Variants in GSK3B observed in about 807,000 individuals in gnomAD.
GSK3B encodes glycogen synthase kinase 3 beta, also known as glycogen synthase kinase-3 beta.
In GSK3B, 15 loss-of-function variants were observed where a neutral mutation model predicts 56.4. That is an observed-to-expected ratio of 0.27 (90% confidence interval 0.18 to 0.41). GSK3B has a LOEUF of 0.41. GSK3B is among the 10% of genes least tolerant of loss of function. The pLI, the probability that GSK3B is intolerant of heterozygous loss-of-function variation, is 1.00. For missense variants in GSK3B, 300 were observed against 513.4 expected (o/e 0.58, Z 4.02); for synonymous variants, 181 against 188.9 (o/e 0.96, Z 0.34).
intron 2 of GSK3B, among the ~76,000 whole-genome samples, chr3:119,979,647 C>T (rs2057441866): frequency 6.6e-6 from 1 of 152,212 alleles, no homozygotes; most frequent in South Asian, 2.1e-4. Flanking sequence ...GTTTTCTCTT[C>T]ATCAATCTTA....
chr3:119,889,539 T>C (rs758104059), intron 7 of GSK3B, among the ~76,000 whole-genome samples: 1 of 151,462 alleles, frequency 6.6e-6, no homozygotes, highest in Non-Finnish European at 1.5e-5. Flanking sequence ...GACCAACCTC[T>C]AAAAATGCAA....
chr3:119,824,331 AC>A lies in GSK3B; in HGVS notation c.*2456del. Reference sequence around the variant, plus strand: ...AGAAAGAAAAATCACACATCTCAGCACACACACACACACACACACACGCACA... The same window carrying A: ...AGAAAGAAAAATCACACATCTCAGCAACACACACACACACACACACGCACA... On this transcript the variant is annotated 3_prime_UTR_variant, in exon 11 of 11. Coordinates refer to ENST00000264235, the MANE Select transcript of GSK3B (RefSeq NM_001146156.2). The A allele has an allele frequency of 1.1e-4, 1 of 8,954 alleles. No homozygotes were observed. 0.6% of individuals were successfully genotyped at this position (8,954 alleles called of 1,614,324 possible).
Position 119,843,365 on chromosome 3 carries a change from T to G in GSK3B, c.1097-12A>C. On this transcript the variant is annotated splice_polypyrimidine_tract_variant and intron_variant, in intron 9 of 10. Coordinates refer to ENST00000264235, the MANE Select transcript of GSK3B (RefSeq NM_001146156.2). ...ATTACTTGACAGTTCTATAGAAGGT[T>G]AAGACACAAATGTTAGAGTCCACTC... 6.8e-7 allele frequency: 1 copy of G among 1,464,478 alleles called. No homozygotes were observed. The highest frequency in any genetic ancestry group is 1.1e-5 in the South Asian group (1 of 88,116). 90.7% of individuals were successfully genotyped at this position (1,464,478 alleles called of 1,614,324 possible). A position where few individuals can be genotyped will look rare whatever the true frequency, so the allele number is the denominator to read the frequency against.
At chr3:119,883,534 C>T (rs550789188) in intron 7 of GSK3B, among the ~76,000 whole-genome samples, 38 of 152,206 alleles carry the variant, frequency 2.5e-4, no homozygotes, top group East Asian at 1.2e-3. Flanking sequence ...ATATTTAAGG[C>T]TTGTGGGACA....
chr3:119,852,841 A>G (rs1034192765), intron 9 of GSK3B, among the ~76,000 whole-genome samples: 7 of 152,172 alleles, frequency 4.6e-5, no homozygotes, highest in African/African-American at 1.7e-4. Context: ...TCAGATGGGT[A>G]GATTGCAAAA....
intron 4 of GSK3B, among the ~76,000 whole-genome samples, chr3:119,919,532 G>GAA (rs1191428996): frequency 6.2e-5 from 6 of 97,368 alleles, no homozygotes; most frequent in East Asian, 3.1e-4. Context: ...AAAAAAAAAA[G>GAA]AAAAAAAAAA....
At chr3:120,011,204 G>C (rs966996788) in intron 1 of GSK3B, among the ~76,000 whole-genome samples, 12 of 152,176 alleles carry the variant, frequency 7.9e-5, no homozygotes, top group Non-Finnish European at 1.2e-4. Context: ...GGAAACAGGA[G>C]CCCCACCTTT....
intron 1 of GSK3B, among the ~76,000 whole-genome samples, chr3:120,045,991 A>G (rs1200126139): frequency 6.6e-6 from 1 of 152,162 alleles, no homozygotes; most frequent in Non-Finnish European, 1.5e-5. Flanking sequence ...AAGGCTACAT[A>G]CTGTATGATT....
chr3:119,870,085 C>A (rs1369726874), intron 8 of GSK3B, among the ~76,000 whole-genome samples: 2 of 152,200 alleles, frequency 1.3e-5, no homozygotes, highest in South Asian at 2.1e-4. Context: ...CAATTCCTAA[C>A]CTTTTCTACA....
At chr3:120,055,436 C>A (rs1297334272) in intron 1 of GSK3B, among the ~76,000 whole-genome samples, 1 of 152,082 alleles carries the variant, frequency 6.6e-6, no homozygotes, top group Non-Finnish European at 1.5e-5. Context: ...TTCAAAGCGA[C>A]AAAATATTCT....
At chr3:119,857,062 A>G (rs1236526447) in intron 9 of GSK3B, among the ~76,000 whole-genome samples, 1 of 152,146 alleles carries the variant, frequency 6.6e-6, no homozygotes, top group Non-Finnish European at 1.5e-5. Flanking sequence ...TATATACCTT[A>G]ATTTAAAAAT....
chr3:119,850,562 G>A (rs2055916175), intron 9 of GSK3B, among the ~76,000 whole-genome samples: 10 of 152,110 alleles, frequency 6.6e-5, no homozygotes, highest in Admixed American at 5.9e-4. Context: ...ATAGGGCTAT[G>A]TCAACCAGTT....
intron 10 of GSK3B, among the ~76,000 whole-genome samples, chr3:119,836,733 A>G (rs769319973): frequency 6.6e-6 from 1 of 152,338 alleles, no homozygotes; most frequent in Non-Finnish European, 1.5e-5. Flanking sequence ...AAGAGGAATG[A>G]CCAGTCACGA....
intron 2 of GSK3B, among the ~76,000 whole-genome samples, chr3:119,967,814 C>A (rs1417896180): frequency 2.3e-5 from 3 of 130,380 alleles, no homozygotes; most frequent in African/African-American, 9.2e-5. Flanking sequence ...CTCTCCCTCC[C>A]TCCCTTTCTC....
chr3:119,876,957 G>A (rs1329459046), intron 7 of GSK3B, among the ~76,000 whole-genome samples: 1 of 152,148 alleles, frequency 6.6e-6, no homozygotes, highest in Non-Finnish European at 1.5e-5. Flanking sequence ...AGTGAACCAA[G>A]TAAATTTCTA....
chr3:119,958,103 A>T (rs566662770), intron 2 of GSK3B, among the ~76,000 whole-genome samples: 199 of 152,186 alleles, frequency 1.3e-3, no homozygotes, highest in South Asian at 2.3e-3. Context: ...ATAGTGAGTG[A>T]ATTCTCACAA....
chr3:119,858,047 A>C (rs371778521), intron 9 of GSK3B, among the ~76,000 whole-genome samples: 3 of 152,330 alleles, frequency 2.0e-5, no homozygotes, highest in South Asian at 2.1e-4. Flanking sequence ...ACCACGCTGT[A>C]AACAGATGTG....
At chr3:119,923,581 C>T (rs1031264730) in intron 3 of GSK3B, 98 bp from the exon 4 acceptor site, 16 of 505,870 alleles carry the variant, frequency 3.2e-5, no homozygotes, top group African/African-American at 1.2e-4. Flanking sequence ...TTTACTTATT[C>T]GGATTTTTAA....
At chr3:119,954,799 A>T (rs879425507) in intron 2 of GSK3B, among the ~76,000 whole-genome samples, 3 of 152,198 alleles carry the variant, frequency 2.0e-5, no homozygotes, top group Admixed American at 2.0e-4. Flanking sequence ...GAGAGAAAAG[A>T]GAAAGAAAAA....
Sources: gnomAD v4.1 joint callset for allele counts (sites outside exome capture counted in the v4.1 genomes callset) on GRCh38, gnomAD v4.1.1 for gene constraint, MANE v1.5 for transcripts, NCBI Gene and HGNC (gene_info 2026-07-23, HGNC 2026-07-21) for gene names.